EXTL3: variants seen among roughly 807,000 people sequenced by gnomAD.
The protein encoded by EXTL3 is exostosin-like 3.
In EXTL3, 27 loss-of-function variants were observed where a neutral mutation model predicts 69.3. The observed-to-expected ratio is 0.39, with a 90% CI of 0.29 to 0.54. The LOEUF (loss-of-function observed/expected upper bound fraction) is 0.54. Ranked by LOEUF, EXTL3 falls within the 20% of genes least tolerant of loss-of-function variation. The pLI, the probability that EXTL3 is intolerant of heterozygous loss-of-function variation, is 0.69. For missense variants in EXTL3, 1,003 were observed against 1,231.8 expected, an observed-to-expected ratio of 0.81 and a Z score of 2.78; for synonymous variants, 511 against 499.4, an observed-to-expected ratio of 1.02 and a Z score of -0.31.
At chr8:28,690,041 G>A (rs577909430) in intron 1 of EXTL3, among the ~76,000 whole-genome samples, 2 of 152,292 alleles carry the variant, frequency 1.3e-5, no homozygotes, top group South Asian at 4.1e-4. Context: ...TCCCTGGGGG[G>A]CTACAGGGAT....
intron 1 of EXTL3, among the ~76,000 whole-genome samples, chr8:28,674,409 G>T (rs1807346709): frequency 6.6e-6 from 1 of 152,190 alleles, no homozygotes; most frequent in Non-Finnish European, 1.5e-5. Flanking sequence ...GAAAATGAAT[G>T]AATATAATGA....
chr8:28,704,225 A>G (rs541705088), intron 1 of EXTL3, among the ~76,000 whole-genome samples: 2 of 152,334 alleles, frequency 1.3e-5, no homozygotes, highest in Admixed American at 6.5e-5. Context: ...GTAGGATACT[A>G]CTCACATGCA....
intron 1 of EXTL3, among the ~76,000 whole-genome samples, chr8:28,670,973 T>G (rs1398023945): frequency 8.6e-6 from 1 of 115,918 alleles, no homozygotes; most frequent in Non-Finnish European, 2.3e-5. Context: ...AGCTTCTGTT[T>G]TTTTTTTTTA....
intron 1 of EXTL3, among the ~76,000 whole-genome samples, chr8:28,635,032 G>T (rs1436315125): frequency 6.6e-6 from 1 of 152,028 alleles, no homozygotes; most frequent in Non-Finnish European, 1.5e-5. Flanking sequence ...CCTGGACCAT[G>T]GTAACCTGGA....
intron 2 of EXTL3, among the ~76,000 whole-genome samples, chr8:28,613,018 C>T (rs1251028695): frequency 6.6e-6 from 1 of 151,974 alleles, no homozygotes; most frequent in Non-Finnish European, 1.5e-5. Flanking sequence ...CACACCCAGT[C>T]TATAATTCTT....
At chr8:28,743,977 T>C (rs1388976964) in intron 6 of EXTL3, 3 of 152,710 alleles carry the variant, frequency 2.0e-5, no homozygotes, top group Admixed American at 6.5e-5. Flanking sequence ...GGTATTGTTG[T>C]GTTTTTTTCT....
At position 28,690,244 on chromosome 8, in the gene EXTL3, G is replaced by A. The variant is rs11781170; in HGVS notation, c.-52-23213G>A. 7.7e-3 allele frequency among the ~76,000 whole-genome samples: 1,158 copies of A among 150,494 alleles called. 9 individuals carry two copies. The highest frequency in any genetic ancestry group is 0.016 in the South Asian group (74 of 4,742). On this transcript the variant is annotated intron_variant, in intron 1 of 6. Coordinates refer to the EXTL3 transcript ENST00000523149. ...TTTTTCTTTTTTTTGAGAGAGTCTC[G>A]CTCTGCTGCCCAGGCTGGATTGCAG...
At chr8:28,677,735 C>T (rs192713139) in intron 1 of EXTL3, among the ~76,000 whole-genome samples, 26 of 151,636 alleles carry the variant, frequency 1.7e-4, no homozygotes, top group African/African-American at 3.6e-4. Flanking sequence ...TGTTCTGTTA[C>T]GAAAAAAAAA....
intron 1 of EXTL3, among the ~76,000 whole-genome samples, chr8:28,638,092 C>T (rs955699880): frequency 2.0e-5 from 3 of 152,148 alleles, no homozygotes; most frequent in Non-Finnish European, 4.4e-5. Flanking sequence ...GCTATTTGTT[C>T]TTGGTCTTAT....
chr8:28,621,736 TAATAAA>T (rs1585217560), upstream of EXTL3, among the ~76,000 whole-genome samples: 1 of 152,200 alleles, frequency 6.6e-6, no homozygotes, highest in East Asian at 1.9e-4. Context: ...AAAACTGATC[TAATAAA>T]AATAAAGAAC....
chr8:28,668,278 AAAG>A (rs1294964483), intron 1 of EXTL3, among the ~76,000 whole-genome samples: 1 of 143,248 alleles, frequency 7.0e-6, no homozygotes, highest in East Asian at 1.9e-4. Flanking sequence ...AAAAAAAAGA[AAAG>A]AAAAAAGAAA....
intron 1 of EXTL3, among the ~76,000 whole-genome samples, chr8:28,656,921 T>G (rs1190672449): frequency 1.4e-5 from 2 of 141,162 alleles, no homozygotes; most frequent in African/African-American, 4.9e-5. Context: ...TCACACTCTC[T>G]CTCTCTCTTA....
At chr8:28,710,639 G>A (rs1220434092) in intron 1 of EXTL3, 1 of 352,770 alleles carries the variant, frequency 2.8e-6, no homozygotes, top group African/African-American at 2.3e-5. Context: ...TTGAGGCAAG[G>A]TCTTGCTCTG....
chr8:28,642,824 G>A (rs1806765239), intron 1 of EXTL3, among the ~76,000 whole-genome samples: 1 of 151,732 alleles, frequency 6.6e-6, no homozygotes, highest in Admixed American at 6.6e-5. Flanking sequence ...TGATTTTTGG[G>A]ATATATAGTT....
At chr8:28,733,683 A>G (rs2665908) in intron 4 of EXTL3, among the ~76,000 whole-genome samples, 5,637 of 150,916 alleles carry the variant, frequency 0.037, 143 homozygotes, top group Non-Finnish European at 0.059. Flanking sequence ...GCACCCGGCC[A>G]TACAGTTGTG....
chr8:28,750,598 G>T lies in EXTL3; in HGVS notation c.2551-59G>T. 1 of 1,402,404 alleles carries T rather than the reference G, an allele frequency of 7.1e-7. No homozygotes were observed. The highest frequency in any genetic ancestry group is 1.0e-6 in the Non-Finnish European group (1 of 989,560). 86.9% of individuals were successfully genotyped at this position (1,402,404 alleles called of 1,614,324 possible). On this transcript the variant is annotated intron_variant, in intron 6 of 6. Transcript: ENST00000220562. The surrounding 1 kb of genome is among the most constrained non-coding windows in gnomAD (Gnocchi z 5.2). ...ATGGGAGTGTGGGATCGGCTCAGCT[G>T]CAAGGGTTCTGTCAGTATTAGCTGG... is the stretch of plus-strand genomic sequence containing the variant.
chr8:28,693,138 C>A (rs923116346), intron 1 of EXTL3, among the ~76,000 whole-genome samples: 1 of 150,950 alleles, frequency 6.6e-6, no homozygotes, highest in Non-Finnish European at 1.5e-5. Context: ...GTGTCTTATG[C>A]AGATAACAGA....
rs1003323541 is a variant in EXTL3, at chr8:28,681,331, A to G, written c.-52-32126A>G. Among the ~76,000 whole-genome samples, 4 of 151,646 alleles carry G rather than the reference A, an allele frequency of 2.6e-5. No homozygotes were observed. The South Asian group carries it at 6.3e-4, about 24-fold the overall frequency. On this transcript the variant is annotated intron_variant, in intron 1 of 6. Transcript: ENST00000523149. ...GGAGTTCCAGACCAGCCTGGCCAAC[A>G]TTGTGAAACCCTGTCTCTACTAAAA...
Position 28,737,553 on chromosome 8 carries a change from T to C in EXTL3, c.2311T>C (p.Phe771Leu). ...WREARDRIVG[F>L]PGRYHAWDIP... ...AGAAGCTCGGGACCGCATCGTGGGCTTCCCTGGCCGTTACCACGCATGGGA... is the reference window on the plus strand; with the variant it reads ...AGAAGCTCGGGACCGCATCGTGGGCCTCCCTGGCCGTTACCACGCATGGGA... The change falls in exon 5 of 7, where the codon TTC (phenylalanine) becomes CTC (leucine). Residue 771 changes from phenylalanine (F) to leucine (L), a missense_variant. This residue lies in a region of EXTL3 where 261 missense variants were observed against 416.4 expected (regional missense o/e 0.63). Coordinates refer to ENST00000220562, the MANE Select transcript of EXTL3 (RefSeq NM_001440.4). 1 of 1,614,052 alleles carries C rather than the reference T, an allele frequency of 6.2e-7. No homozygotes were observed. The highest frequency in any genetic ancestry group is 8.5e-7 in the Non-Finnish European group (1 of 1,179,892).
Sources: allele counts gnomAD v4.1 joint callset (sites outside exome capture counted in the v4.1 genomes callset), GRCh38; gene constraint gnomAD v4.1.1; regional missense constraint gnomAD v4.1.1; non-coding constraint Gnocchi (gnomAD v3.1); transcripts MANE v1.5; gene names NCBI Gene and HGNC (gene_info 2026-07-23, HGNC 2026-07-21).